Variants in FAM114A2 observed in about 807,000 individuals in gnomAD.
FAM114A2 encodes protein FAM114A2.
In FAM114A2, 53 loss-of-function variants were observed where a neutral mutation model predicts 58.4. That is an observed-to-expected ratio of 0.91 (90% CI 0.73 to 1.14). The LOEUF (loss-of-function observed/expected upper bound fraction) is 1.14. FAM114A2 is among the 50% of genes most tolerant of loss of function. FAM114A2 has a pLI of 0.00. For missense variants in FAM114A2, 601 were observed against 581.1 expected, an observed-to-expected ratio of 1.03 and a Z score of -0.35; for synonymous variants, 228 against 211.4, an observed-to-expected ratio of 1.08 and a Z score of -0.68.
chr5:153,999,059 T>C (rs1392687355), intron 11 of FAM114A2, among the ~76,000 whole-genome samples: 3 of 152,208 alleles, frequency 2.0e-5, no homozygotes, highest in Non-Finnish European at 4.4e-5. Context: ...GCAAAAGTTA[T>C]AGTAACAGTG....
At chr5:154,016,747 A>G (rs1181140359) in intron 8 of FAM114A2, among the ~76,000 whole-genome samples, 1 of 152,208 alleles carries the variant, frequency 6.6e-6, no homozygotes, top group African/African-American at 2.4e-5. Flanking sequence ...TGTACAGGCA[A>G]CACAGCACAA....
chr5:154,026,531 A>C lies in FAM114A2; in HGVS notation c.790-9T>G. On this transcript the variant is annotated splice_polypyrimidine_tract_variant and intron_variant, in intron 7 of 13. Transcript: ENST00000351797. ...TTAAGGATAGATTTCACCTGAATGGATACAAGAACAAAATGTTGTAGGAGT... is the reference window on the plus strand; with the variant it reads ...TTAAGGATAGATTTCACCTGAATGGCTACAAGAACAAAATGTTGTAGGAGT... 6.8e-7 allele frequency: 1 copy of C among 1,465,712 alleles called. No homozygotes were observed. Among genetic ancestry groups the C allele is most frequent in the Non-Finnish European group, 9.0e-7 (1 of 1,105,416 alleles). 90.8% of individuals were successfully genotyped at this position (1,465,712 alleles called of 1,614,324 possible). A position where few individuals can be genotyped will look rare whatever the true frequency, so the allele number is the denominator to read the frequency against.
At position 154,006,765 on chromosome 5, in the gene FAM114A2, G is replaced by A. The variant is rs77669923; in HGVS notation, c.994-3796C>T. ...TGATAGACCACATAAAAGAAAAAAC[G>A]GATACCATAAATTTAATATACCCAA... On this transcript the variant is annotated intron_variant, in intron 9 of 13. Transcript: ENST00000351797. 6.4e-3 allele frequency among the ~76,000 whole-genome samples: 967 copies of A among 150,884 alleles called. 36 individuals are homozygous for A. In the East Asian group the frequency reaches 0.12, roughly 18 times the overall value.
intron 9 of FAM114A2, among the ~76,000 whole-genome samples, chr5:154,009,206 A>G (rs995643423): frequency 2.6e-5 from 4 of 152,198 alleles, no homozygotes; most frequent in Admixed American, 6.5e-5. Context: ...CACAGAAGGC[A>G]TAAGATGAGT....
chr5:154,022,790 A>G (rs1771509418), intron 8 of FAM114A2, among the ~76,000 whole-genome samples: 2 of 152,246 alleles, frequency 1.3e-5, no homozygotes, highest in African/African-American at 4.8e-5. Flanking sequence ...TACTGGATAT[A>G]TACCCAAAGG....
At chr5:153,993,460 GC>G (rs1769363022) in intron 13 of FAM114A2, among the ~76,000 whole-genome samples, 2 of 152,094 alleles carry the variant, frequency 1.3e-5, no homozygotes, top group Non-Finnish European at 2.9e-5. Context: ...ACTGAAAGAG[GC>G]TTTCAGAAGG....
chr5:154,020,108 G>A (rs1771304822), intron 8 of FAM114A2, among the ~76,000 whole-genome samples: 1 of 152,108 alleles, frequency 6.6e-6, no homozygotes, highest in African/African-American at 2.4e-5. Context: ...TGAGAACAAA[G>A]ACACAATGTA....
intron 9 of FAM114A2, among the ~76,000 whole-genome samples, chr5:154,009,660 G>A (rs1431749753): frequency 6.6e-6 from 1 of 152,170 alleles, no homozygotes; most frequent in Non-Finnish European, 1.5e-5. Context: ...TGGATATCAT[G>A]TACCTTTAGA....
rs757898240 is a variant in FAM114A2 at position 153,990,701 on chromosome 5, C to T, written c.*2275G>A. ...AAAAGACACATTTACCCTAGCAATA[C>T]CTGAACATTTCACTTATTAAGGTTT... On this transcript the variant is annotated 3_prime_UTR_variant, in exon 14 of 14. Coordinates refer to ENST00000351797, the MANE Select transcript of FAM114A2 (RefSeq NM_018691.4). 5 of 152,052 alleles carry T rather than the reference C, an allele frequency of 3.3e-5. No individual in the cohort carries two copies. The highest frequency in any genetic ancestry group is 7.4e-5 in the Non-Finnish European group (5 of 67,996). 9.4% of individuals were successfully genotyped at this position (152,052 alleles called of 1,614,324 possible).
At position 154,015,677 on chromosome 5, in the gene FAM114A2, C is replaced by T. The variant is rs545119961; in HGVS notation, c.914-4357G>A. ...CACAGCCCACCCAAATGAGAAGGAA[C>T]CAGAAAACCAACTCTGGTAATATGA... On this transcript the variant is annotated intron_variant, in intron 8 of 13. Transcript: ENST00000351797. Among the ~76,000 whole-genome samples the T allele has an allele frequency of 6.6e-5, 10 of 152,226 alleles. No homozygotes were observed. In the East Asian group the frequency reaches 1.5e-3, roughly 24 times the overall value.
In FAM114A2 at chr5:154,034,751, G is replaced by C; in HGVS notation, c.203C>G (p.Pro68Arg). 6.2e-7 allele frequency: 1 copy of C among 1,609,156 alleles called. No individual in the cohort carries two copies. ...SSDLETSKVL[P>R]IQDNVSKDVP... ...TTCTGTGGTCTGTGATACCTGAATA[G>C]GGAGAACTTTTGAAGTCTCAAGGTC... Residue 68 changes from proline to arginine, a missense_variant, in exon 2 of 14, where the codon CCT becomes CGT. By Grantham distance (103) the Pro-to-Arg change is moderately radical (BLOSUM62 -2). Coordinates refer to ENST00000351797, the MANE Select transcript of FAM114A2 (RefSeq NM_018691.4).
At chr5:154,003,013 A>G in intron 9 of FAM114A2, 44 bp from the exon 10 acceptor site, 2 of 1,594,766 alleles carry the variant, frequency 1.3e-6, no homozygotes, top group Admixed American at 1.7e-5. Context: ...AATTCAGTTT[A>G]CCAAAATTAC....
At chr5:153,995,165 T>G in intron 12 of FAM114A2, 193 bp from the exon 13 acceptor site, 1 of 545,656 alleles carries the variant, frequency 1.8e-6, no homozygotes, top group South Asian at 2.6e-5. Context: ...CTTAATATCT[T>G]TCTGTGCTAT....
At chr5:154,030,407 T>C (rs1403074632) in intron 4 of FAM114A2, among the ~76,000 whole-genome samples, 3 of 152,234 alleles carry the variant, frequency 2.0e-5, no homozygotes, top group African/African-American at 7.2e-5. Flanking sequence ...TGGTATTAGA[T>C]ATGACCTCCT....
rs546742008 is a variant in FAM114A2, at chr5:153,990,860, T to G, written c.*2116A>C. On this transcript the variant is annotated 3_prime_UTR_variant, in exon 14 of 14. Coordinates refer to ENST00000351797, the MANE Select transcript of FAM114A2 (RefSeq NM_018691.4). ...ACTGTAACTACCCCAAATAAAATAA[T>G]GAAGCACATACTATCCAAAAACCAT... 73 of 152,264 alleles carry G rather than the reference T, an allele frequency of 4.8e-4. No individual in the cohort carries two copies. The highest frequency in any genetic ancestry group is 1.6e-3 in the African/African-American group (67 of 41,556). 9.4% of individuals were successfully genotyped at this position (152,264 alleles called of 1,614,324 possible).
intron 11 of FAM114A2, among the ~76,000 whole-genome samples, chr5:154,001,548 G>C (rs1332038005): frequency 2.0e-5 from 3 of 152,210 alleles, no homozygotes; most frequent in Non-Finnish European, 4.4e-5. Flanking sequence ...GAAGTCTGCA[G>C]AAGACTGACA....
intron 8 of FAM114A2, among the ~76,000 whole-genome samples, chr5:154,015,978 C>T (rs1389124138): frequency 2.0e-5 from 3 of 151,966 alleles, no homozygotes; most frequent in African/African-American, 7.2e-5. Context: ...ATGCAAAATG[C>T]TGTAGAAAGT....
chr5:154,035,029 A>C (rs1772459216), intron 1 of FAM114A2, 62 bp from the exon 2 acceptor site: 1 of 1,032,508 alleles, frequency 9.7e-7, no homozygotes, highest in Non-Finnish European at 1.4e-6. Context: ...GTATTTGTTT[A>C]AACTTTTTAG....
intron 1 of FAM114A2, chr5:154,036,285 G>A (rs560960807): frequency 6.6e-6 from 1 of 152,104 alleles, no homozygotes; most frequent in East Asian, 1.9e-4. Context: ...CATCAGATTG[G>A]CTTTATGTCA....
Sources: gnomAD v4.1 joint callset for allele counts (sites outside exome capture counted in the v4.1 genomes callset) on GRCh38, gnomAD v4.1.1 for gene constraint, MANE v1.5 for transcripts, NCBI Gene and HGNC (gene_info 2026-07-23, HGNC 2026-07-21) for gene names.